Variants in DLGAP1 observed in about 807,000 individuals in gnomAD.
DLGAP1 encodes DLG associated protein 1.
In DLGAP1, 11 loss-of-function variants were observed where a neutral mutation model predicts 90.8. The observed-to-expected ratio is 0.12, with a 90% confidence interval of 0.08 to 0.20. The LOEUF (loss-of-function observed/expected upper bound fraction) is 0.20. Among genes scored for constraint, DLGAP1 ranks in the 10% least tolerant of loss-of-function variants. The pLI is 1.00. For missense variants in DLGAP1, 1,050 were observed against 1,333.8 expected (o/e 0.79, Z 3.31); for synonymous variants, 558 against 540.7 (o/e 1.03, Z -0.44).
intron 1 of DLGAP1, among the ~76,000 whole-genome samples, chr18:4,165,349 T>C (rs779345945): frequency 1.3e-5 from 2 of 152,136 alleles, no homozygotes; most frequent in African/African-American, 2.4e-5. Flanking sequence ...AACAAAAATG[T>C]TGTCAACAGC....
chr18:4,021,660 C>T (rs554023308), intron 2 of DLGAP1, among the ~76,000 whole-genome samples: 24 of 152,146 alleles, frequency 1.6e-4, no homozygotes, highest in Middle Eastern at 3.4e-3. Context: ...TGCAATGGCG[C>T]GATCTTGGCT....
intron 7 of DLGAP1, among the ~76,000 whole-genome samples, chr18:3,714,639 GTTTTTTTTTTTTT>G (rs869196557): frequency 1.2e-4 from 11 of 93,050 alleles, no homozygotes; most frequent in Non-Finnish European, 1.5e-4. Flanking sequence ...TGATTACGTG[GTTTTTTTTTTTTT>G]TTTTTTTTTT....
At chr18:4,147,616 TCCATCCATCCATC>T (rs1337814941) in intron 2 of DLGAP1, among the ~76,000 whole-genome samples, 2 of 151,572 alleles carry the variant, frequency 1.3e-5, no homozygotes, top group Non-Finnish European at 2.9e-5. Context: ...CATCCATCCA[TCCATCCATCCATC>T]CTTTATCCAT....
intron 1 of DLGAP1, among the ~76,000 whole-genome samples, chr18:4,421,299 C>A (rs2144681093): frequency 6.6e-6 from 1 of 152,210 alleles, no homozygotes; most frequent in South Asian, 2.1e-4. Flanking sequence ...CTCCTCTATG[C>A]ATCTACCTCA....
intron 6 of DLGAP1, among the ~76,000 whole-genome samples, chr18:3,737,309 A>T (rs1485499259): frequency 6.6e-6 from 1 of 152,216 alleles, no homozygotes; most frequent in Non-Finnish European, 1.5e-5. Flanking sequence ...CCTGGCAGAG[A>T]GACACAACCA....
intron 10 of DLGAP1, among the ~76,000 whole-genome samples, chr18:3,516,418 A>G (rs1018001093): frequency 4.0e-4 from 61 of 152,108 alleles, no homozygotes; most frequent in African/African-American, 1.1e-3. Flanking sequence ...AAGGTTTTCA[A>G]TGGACTTTGC....
chr18:3,764,234 T>C (rs1346718222), intron 5 of DLGAP1, among the ~76,000 whole-genome samples: 1 of 152,238 alleles, frequency 6.6e-6, no homozygotes, highest in African/African-American at 2.4e-5. Flanking sequence ...AAGCTGGTTC[T>C]AATTTCTGTA....
At chr18:3,570,991 T>C (rs1000103990) in intron 8 of DLGAP1, among the ~76,000 whole-genome samples, 1 of 151,810 alleles carries the variant, frequency 6.6e-6, no homozygotes, top group Non-Finnish European at 1.5e-5. Context: ...CTAGGTTATT[T>C]TGGAGTATTA....
chr18:3,523,133 G>A (rs2051320108), intron 10 of DLGAP1, among the ~76,000 whole-genome samples: 1 of 152,122 alleles, frequency 6.6e-6, no homozygotes, highest in Non-Finnish European at 1.5e-5. Flanking sequence ...AGCACTTTGG[G>A]ACGCTGAGGT....
chr18:4,341,882 T>C (rs2081196322), intron 1 of DLGAP1, among the ~76,000 whole-genome samples: 1 of 152,066 alleles, frequency 6.6e-6, no homozygotes, highest in African/African-American at 2.4e-5. Context: ...AAGATAGCTT[T>C]GAAATTAAAC....
chr18:3,579,033 C>T (rs1270328503), intron 8 of DLGAP1, among the ~76,000 whole-genome samples: 2 of 152,118 alleles, frequency 1.3e-5, no homozygotes, highest in Non-Finnish European at 2.9e-5. Context: ...TTCCATCCTA[C>T]TGGGTGAAAA....
chr18:4,152,527 G>A (rs1360431784), intron 1 of DLGAP1, among the ~76,000 whole-genome samples: 1 of 152,130 alleles, frequency 6.6e-6, no homozygotes, highest in Admixed American at 6.5e-5. Context: ...CTCACATCTT[G>A]TTTCCAAAAA....
chr18:3,659,006 A>C (rs2059590841), intron 7 of DLGAP1, among the ~76,000 whole-genome samples: 1 of 152,218 alleles, frequency 6.6e-6, no homozygotes, highest in East Asian at 1.9e-4. Context: ...GTAATTATCA[A>C]CATTGTTTTA....
intron 3 of DLGAP1, among the ~76,000 whole-genome samples, chr18:3,907,176 C>T (rs1044392232): frequency 5.9e-5 from 9 of 152,152 alleles, no homozygotes; most frequent in African/African-American, 1.9e-4. Flanking sequence ...ACCAATACCC[C>T]CCCAAATCGG....
chr18:3,590,068 A>G (rs1400818178), intron 7 of DLGAP1, among the ~76,000 whole-genome samples: 1 of 152,008 alleles, frequency 6.6e-6, no homozygotes, highest in East Asian at 1.9e-4. Flanking sequence ...GTGCCACCAC[A>G]CCAGGCTAAT....
chr18:4,099,108 T>C (rs2075730817), intron 2 of DLGAP1, among the ~76,000 whole-genome samples: 1 of 152,228 alleles, frequency 6.6e-6, no homozygotes, highest in South Asian at 2.1e-4. Flanking sequence ...TATCTTCTAG[T>C]TTTGTTGTAA....
At chr18:3,806,531 G>A (rs1032264843) in intron 5 of DLGAP1, among the ~76,000 whole-genome samples, 1 of 152,186 alleles carries the variant, frequency 6.6e-6, no homozygotes, top group African/African-American at 2.4e-5. Context: ...GGTACCAAAT[G>A]TTTGTTGCAT....
At chr18:3,506,412 G>C (rs74609164) in intron 11 of DLGAP1, among the ~76,000 whole-genome samples, 6 of 151,408 alleles carry the variant, frequency 4.0e-5, no homozygotes, top group South Asian at 2.1e-4. Flanking sequence ...ACTCGGGAGG[G>C]TGAGGCAGGA....
rs746734802 is a variant in DLGAP1, at chr18:4,099,293, TATC to T, written c.-159+51884_-159+51886del. 1.6e-3 allele frequency among the ~76,000 whole-genome samples: 241 copies of T among 146,424 alleles called. 2 individuals carry two copies. The highest frequency in any genetic ancestry group is 6.0e-3 in the South Asian group (27 of 4,488). ...CTGTCTATCTATCTATCTATCTGTCTATCATCTATCTATCTATCTATCTATCTA... is the reference window on the plus strand; with the variant it reads ...CTGTCTATCTATCTATCTATCTGTCTATCTATCTATCTATCTATCTATCTA... On this transcript the variant is annotated intron_variant, in intron 2 of 12. Coordinates refer to ENST00000315677, the MANE Select transcript of DLGAP1 (RefSeq NM_004746.4).
Sources: allele counts gnomAD v4.1 joint callset (sites outside exome capture counted in the v4.1 genomes callset), GRCh38; gene constraint gnomAD v4.1.1; transcripts MANE v1.5; gene names NCBI Gene and HGNC (gene_info 2026-07-23, HGNC 2026-07-21).